DERL3: variants seen among roughly 807,000 people sequenced by gnomAD.
DERL3 encodes derlin 3.
A neutral mutation model predicts 23.8 loss-of-function variants in DERL3; 20 were observed. That is an observed-to-expected ratio of 0.84 (90% CI 0.59 to 1.22). The LOEUF (loss-of-function observed/expected upper bound fraction) is 1.22. Among genes scored for constraint, DERL3 ranks in the 50% most tolerant of loss-of-function variants. The probability of loss-of-function intolerance (pLI) is 0.00; values close to 1 mark genes in which losing one functional copy is unlikely to be tolerated. For missense variants in DERL3, 319 were observed against 304.1 expected (o/e 1.05, Z -0.36); for synonymous variants, 145 against 132.5 (o/e 1.09, Z -0.65).
In DERL3 at chr22:23,836,045, A is replaced by G; in HGVS notation, c.*824T>C. ...CCACAACATGGACAGGCTTAGAACA[A>G]CAAGGAAAGCTGCCAGGTCAGAAGA... On this transcript the variant is annotated 3_prime_UTR_variant, in exon 7 of 7. Transcript: ENST00000318109. The G allele has an allele frequency of 1.0e-6, 1 of 985,484 alleles. No individual in the cohort carries two copies. Among genetic ancestry groups the G allele is most frequent in the African/African-American group, 1.7e-5 (1 of 57,370 alleles). 61.0% of individuals were successfully genotyped at this position (985,484 alleles called of 1,614,324 possible).
At chr22:23,837,526 G>T in intron 5 of DERL3, 133 bp downstream of exon 5, 2 of 947,734 alleles carry the variant, frequency 2.1e-6, no homozygotes, top group Non-Finnish European at 3.1e-6. Flanking sequence ...CAGCTGGGAG[G>T]GCAGGAAGAT....
Position 23,836,431 on chromosome 22 carries a change from C to G in DERL3, c.*438G>C. ...CTGTCCTGGCCCCAGCAGCCGAAAT[C>G]TGGTGAACTTCCCCGCTGACTGGCA... On this transcript the variant is annotated 3_prime_UTR_variant, in exon 7 of 7. Coordinates refer to ENST00000318109, the MANE Select transcript of DERL3 (RefSeq NM_001002862.3). 2 of 989,082 alleles carry G rather than the reference C, an allele frequency of 2.0e-6. No homozygotes were observed. Among genetic ancestry groups the G allele is most frequent in the Non-Finnish European group, 2.4e-6 (2 of 832,538 alleles). 61.3% of individuals were successfully genotyped at this position (989,082 alleles called of 1,614,324 possible).
intron 5 of DERL3, 162 bp downstream of exon 5, chr22:23,837,497 A>G: frequency 1.3e-6 from 1 of 759,692 alleles, no homozygotes; most frequent in Non-Finnish European, 2.1e-6. Flanking sequence ...GGCTGGCTTG[A>G]GGGGCTGTAA....
Position 23,835,101 on chromosome 22 carries a change from G to A in DERL3, c.*1768C>T, listed in dbSNP as rs1487781270. 5 of 1,391,770 alleles carry A rather than the reference G, an allele frequency of 3.6e-6. No homozygotes were observed. Among genetic ancestry groups the A allele is most frequent in the East Asian group, 2.7e-5 (1 of 37,112 alleles). The allele number at this position is 1,391,770 out of a possible 1,614,324, so 86.2% of individuals were successfully genotyped here. A position where few individuals can be genotyped will look rare whatever the true frequency, so the allele number is the denominator to read the frequency against. On this transcript the variant is annotated 3_prime_UTR_variant, in exon 7 of 7. Transcript: ENST00000318109. ...TCCTGCCTTACAAGCCAGCTGTGAG[G>A]AATATGGGAATAGCCCTCCCGGCCT... is the stretch of plus-strand genomic sequence containing the variant.
At position 23,834,684 on chromosome 22, in the gene DERL3, G is replaced by T; in HGVS notation, c.*2185C>A. 8.3e-7 allele frequency: 1 copy of T among 1,207,252 alleles called. No homozygotes were observed. The highest frequency in any genetic ancestry group is 1.5e-5 in the South Asian group (1 of 65,744). 74.8% of individuals were successfully genotyped at this position (1,207,252 alleles called of 1,614,324 possible). A position where few individuals can be genotyped will look rare whatever the true frequency, so the allele number is the denominator to read the frequency against. ...GGCAGGTGGGGGTGAATGGGGCTCC[G>T]GGTAGCACCTCAGCTCCTCTCAGCT... On this transcript the variant is annotated 3_prime_UTR_variant, in exon 7 of 7. Coordinates refer to ENST00000318109, the MANE Select transcript of DERL3 (RefSeq NM_001002862.3).
rs1430837100 is a variant in DERL3, at chr22:23,836,005, G to A, written c.*864C>T. ...TTTGGAGGAGGCCCCGTGCCACTGA[G>A]CATCCAGAAATAAACCACAACATGG... On this transcript the variant is annotated 3_prime_UTR_variant, in exon 7 of 7. Coordinates refer to ENST00000318109, the MANE Select transcript of DERL3 (RefSeq NM_001002862.3). The A allele has an allele frequency of 2.0e-6, 2 of 985,374 alleles. No individual in the cohort carries two copies. The highest frequency in any genetic ancestry group is 1.1e-4 in the East Asian group (1 of 8,820). The allele number at this position is 985,374 out of a possible 1,614,324, so 61.0% of individuals were successfully genotyped here.
Position 23,834,906 on chromosome 22 carries a change from G to C in DERL3, c.*1963C>G. ...TGTCCAGATGGTCAGGCTACTGCCA[G>C]CTGGGGCCTTGCTGCTCTGAAGTCC... On this transcript the variant is annotated 3_prime_UTR_variant, in exon 7 of 7. Transcript: ENST00000318109. The C allele has an allele frequency of 1.2e-6, 2 of 1,611,476 alleles. No homozygotes were observed. Among genetic ancestry groups the C allele is most frequent in the Non-Finnish European group, 8.5e-7 (1 of 1,179,606 alleles).
intron 6 of DERL3, 22 bp from the exon 7 acceptor site, chr22:23,836,984 GAGCACAGGCC>G (rs765741009): frequency 2.0e-5 from 32 of 1,607,340 alleles, no homozygotes; most frequent in East Asian, 2.2e-5. Flanking sequence ...GGCCCGTGTT[GAGCACAGGCC>G]AGCACAGGTC....
chr22:23,838,198 C>A (rs2031258767), intron 4 of DERL3, 154 bp downstream of exon 4: 3 of 1,547,626 alleles, frequency 1.9e-6, no homozygotes, highest in Non-Finnish European at 2.6e-6. Flanking sequence ...AGCCCTGACC[C>A]CTGCAGCTGA....
chr22:23,838,766 A>C lies in DERL3; in HGVS notation c.104T>G (p.Leu35Arg), dbSNP rs1568971368. Reference sequence around the variant, plus strand: ...GAAGTAGAGTTGAAAGGGGCTGAGGAGCTCCAGCTGCTGTGGAACCAGGGG... The same window carrying C: ...GAAGTAGAGTTGAAAGGGGCTGAGGCGCTCCAGCTGCTGTGGAACCAGGGG... ...VLTTAAVQLELLSPFQLYFNP... is the reference protein window; with the variant it reads ...VLTTAAVQLERLSPFQLYFNP... Residue 35 changes from leucine to arginine, a missense_variant, in exon 2 of 7, where the codon CTC (leucine) becomes CGC (arginine). Coordinates refer to ENST00000318109, the MANE Select transcript of DERL3 (RefSeq NM_001002862.3). The C allele has an allele frequency of 1.9e-6, 3 of 1,551,176 alleles. No individual in the cohort carries two copies. The highest frequency in any genetic ancestry group is 2.7e-5 in the African/African-American group (2 of 73,002).
In DERL3 at chr22:23,835,070, G is replaced by A. The variant is rs1270784000; in HGVS notation, c.*1799C>T. The A allele has an allele frequency of 1.9e-5, 26 of 1,396,190 alleles. No homozygotes were observed. Among genetic ancestry groups the A allele is most frequent in the Non-Finnish European group, 1.3e-5 (14 of 1,078,232 alleles). 86.5% of individuals were successfully genotyped at this position (1,396,190 alleles called of 1,614,324 possible). ...CACCCCAGCAGGTGCTGTGGCCTGGGCCAGCTCCTGCCTTACAAGCCAGCT... is the reference window on the plus strand; with the variant it reads ...CACCCCAGCAGGTGCTGTGGCCTGGACCAGCTCCTGCCTTACAAGCCAGCT... On this transcript the variant is annotated 3_prime_UTR_variant, in exon 7 of 7. Coordinates refer to ENST00000318109, the MANE Select transcript of DERL3 (RefSeq NM_001002862.3).
At chr22:23,838,162 T>C in intron 4 of DERL3, 190 bp downstream of exon 4, 1 of 1,540,264 alleles carries the variant, frequency 6.5e-7, no homozygotes, top group Non-Finnish European at 8.7e-7. Context: ...CATGGCTTTG[T>C]ATTTTGCATA....
rs1335577611 is a variant in DERL3, at chr22:23,837,146, C to T, written c.532G>A (p.Val178Met). 4.3e-6 allele frequency: 7 copies of T among 1,613,824 alleles called. No homozygotes were observed. Among genetic ancestry groups the T allele is most frequent in the African/African-American group, 2.7e-5 (2 of 74,916 alleles). The change falls in exon 6 of 7, where the codon GTG (valine) becomes ATG (methionine). Residue 178 changes from valine (V) to methionine (M), a missense_variant. By Grantham distance (21) the Val-to-Met change is conservative. Coordinates refer to ENST00000318109, the MANE Select transcript of DERL3 (RefSeq NM_001002862.3). ...SILVDLLGIA[V>M]GHIYYFLEDV... ...TCCAGGAAGTAGTAGATATGGCCCA[C>T]CGCAATCCCTGTGAGACAGCCACGG...
rs746699385 is a variant in DERL3, at chr22:23,838,462, G to A, written c.234-17C>T. On this transcript the variant is annotated splice_polypyrimidine_tract_variant and intron_variant, in intron 3 of 6. Transcript: ENST00000318109. ...TAGCGGAACCTACGGCGTCGGTATA[G>A]GAAGTGCCACCAGGCGGGGCCTCAG... is the stretch of plus-strand genomic sequence containing the variant. 6.3e-7 allele frequency: 1 copy of A among 1,593,226 alleles called. No individual in the cohort carries two copies. The highest frequency in any genetic ancestry group is 1.1e-5 in the South Asian group (1 of 88,038).
At chr22:23,838,318 T>C in intron 4 of DERL3, 34 bp downstream of exon 4, 1 of 1,571,406 alleles carries the variant, frequency 6.4e-7, no homozygotes, top group Non-Finnish European at 8.6e-7. Context: ...CGAGGCGCCC[T>C]AGCCCGAGGT....
At chr22:23,837,279 A>G in intron 5 of DERL3, 125 bp from the exon 6 acceptor site, 1 of 1,260,950 alleles carries the variant, frequency 7.9e-7, no homozygotes, top group Non-Finnish European at 1.1e-6. Context: ...GAGTGCCCCA[A>G]AGCCTTGCAC....
chr22:23,838,674 G>GGGGGGGGGGGGT, intron 2 of DERL3, 37 bp from the exon 3 acceptor site: 1 of 1,007,180 alleles, frequency 9.9e-7, no homozygotes, highest in East Asian at 2.9e-5. Flanking sequence ...GGGTGGGTGG[G>GGGGGGGGGGGGT]TCGGGCCCAC....
At chr22:23,837,459 C>T (rs771610480) in intron 5 of DERL3, 200 bp downstream of exon 5, 35 of 664,368 alleles carry the variant, frequency 5.3e-5, no homozygotes, top group Non-Finnish European at 7.6e-5. Context: ...TCAGTAGATC[C>T]GTCCTGACGA....
chr22:23,836,261 C>A lies in DERL3; in HGVS notation c.*608G>T, dbSNP rs954752977. ...CTCTTCTGCACCTGAATCCATGGGG[C>A]TTTGGCATCACCAGATGAAAAATGA... On this transcript the variant is annotated 3_prime_UTR_variant, in exon 7 of 7. Coordinates refer to ENST00000318109, the MANE Select transcript of DERL3 (RefSeq NM_001002862.3). 7.1e-6 allele frequency: 7 copies of A among 985,370 alleles called. No homozygotes were observed. In the African/African-American group the frequency reaches 1.2e-4, roughly 17 times the overall value. 61.0% of individuals were successfully genotyped at this position (985,370 alleles called of 1,614,324 possible).
Sources: gnomAD v4.1 joint callset for allele counts on GRCh38, gnomAD v4.1.1 for gene constraint, MANE v1.5 for transcripts, NCBI Gene and HGNC (gene_info 2026-07-23, HGNC 2026-07-21) for gene names.